The following TRMT2B variants were observed in gnomAD, a reference collection of about 807,000 sequenced individuals.
TRMT2B encodes the protein tRNA (uracil-5-)-methyltransferase homolog B.
In TRMT2B, 34 loss-of-function variants were observed where a neutral mutation model predicts 39.7. The observed-to-expected ratio is 0.86, with a 90% CI of 0.65 to 1.14. The LOEUF (loss-of-function observed/expected upper bound fraction) is 1.14. Among genes scored for constraint, TRMT2B ranks in the 50% most tolerant of loss-of-function variants. TRMT2B has a pLI of 0.00. For synonymous variants in TRMT2B, 132 were observed against 137.3 expected (o/e 0.96, Z 0.27); for missense variants, 318 against 377.2 (o/e 0.84, Z 1.30).
At chrX:101,029,210 G>A (rs1038377346) in intron 7 of TRMT2B, among the ~76,000 whole-genome samples, 8 of 110,934 alleles carry the variant, frequency 7.2e-5, no homozygotes, top group African/African-American at 2.6e-4. Context: ...TGCCTAAAAT[G>A]TTTTTCCCTC....
chrX:100,975,711 C>T, the TRMT2B span, among the ~76,000 whole-genome samples: 5 of 108,269 alleles, frequency 4.6e-5, no homozygotes, highest in Admixed American at 9.9e-5. Flanking sequence ...CAGCTCACTG[C>T]AACCTCCACC....
At chrX:100,996,559 C>T in the TRMT2B span, among the ~76,000 whole-genome samples, 1 of 111,640 alleles carries the variant, frequency 9.0e-6, no homozygotes, top group Non-Finnish European at 1.9e-5. Context: ...CAAAAATGGC[C>T]TGGATCGTTC....
chrX:101,011,067 A>G (rs922417788), intron 13 of TRMT2B, among the ~76,000 whole-genome samples: 5 of 112,225 alleles, frequency 4.5e-5, no homozygotes, highest in African/African-American at 1.6e-4. Flanking sequence ...GTACCAATTT[A>G]TATCCCAACC....
rs2087682648 is a variant in TRMT2B, at chrX:101,034,144, C to CG, written c.609+1468_609+1469insC. 1.3e-3 allele frequency among the ~76,000 whole-genome samples: 23 copies of CG among 18,166 alleles called. 1 individual carries two copies. The South Asian group carries it at 0.12, about 97-fold the overall frequency. The allele number at this position is 18,166 out of a possible 115,157, so 15.8% of individuals were successfully genotyped here. On this transcript the variant is annotated intron_variant, in intron 7 of 13. Coordinates refer to ENST00000372936, the MANE Select transcript of TRMT2B (RefSeq NM_024917.6). ...GGCGTGAGCCACCGTGCCTGGCCTA[C>CG]ATTTTTTTTTTTTTTGAGACATGGT... is the stretch of plus-strand genomic sequence containing the variant.
chrX:101,014,183 A>G (rs1214130341), intron 13 of TRMT2B, among the ~76,000 whole-genome samples: 1 of 112,572 alleles, frequency 8.9e-6, no homozygotes, highest in African/African-American at 3.2e-5. Context: ...ACGTGTGCAC[A>G]CACATGCACT....
the TRMT2B span, chrX:100,990,322 T>C: frequency 1.1e-6 from 1 of 903,000 alleles, no homozygotes; most frequent in East Asian, 5.2e-5. Context: ...TTTTTCTCTT[T>C]TTACTTTCAA....
the TRMT2B span, among the ~76,000 whole-genome samples, chrX:100,981,448 G>C: frequency 9.1e-6 from 1 of 110,272 alleles, no homozygotes; most frequent in Non-Finnish European, 1.9e-5. Flanking sequence ...GATGAGGAAA[G>C]GGTGGTGCTG....
At chrX:101,039,193 C>A (rs1007111689) in intron 4 of TRMT2B, among the ~76,000 whole-genome samples, 2 of 111,060 alleles carry the variant, frequency 1.8e-5, no homozygotes, top group Non-Finnish European at 3.8e-5. Context: ...CCTCAGCCCC[C>A]CGAGTAGCTG....
At chrX:101,037,714 A>T (rs1444819991) in intron 5 of TRMT2B, among the ~76,000 whole-genome samples, 1 of 111,321 alleles carries the variant, frequency 9.0e-6, no homozygotes, top group Non-Finnish European at 1.9e-5. Flanking sequence ...CAAATTACTA[A>T]ATCTCTCTGG....
At chrX:100,981,928 A>G in the TRMT2B span, among the ~76,000 whole-genome samples, 1 of 109,097 alleles carries the variant, frequency 9.2e-6, no homozygotes, top group African/African-American at 3.3e-5. Flanking sequence ...TGCAGGGGTG[A>G]CCATCACTGA....
intron 5 of TRMT2B, chrX:101,037,305 G>A (rs1602635648): frequency 2.6e-6 from 1 of 380,291 alleles, no homozygotes; most frequent in Non-Finnish European, 4.6e-6. Flanking sequence ...GAGCCAAAGA[G>A]TAAATAATTT....
intron 8 of TRMT2B, 76 bp from the exon 9 acceptor site, chrX:101,022,138 C>G: frequency 1.5e-6 from 1 of 663,591 alleles, no homozygotes. Context: ...CTATAGTAAT[C>G]AGCCCTGCAG....
the TRMT2B span, among the ~76,000 whole-genome samples, chrX:100,984,459 C>T: frequency 9.0e-6 from 1 of 111,594 alleles, no homozygotes; most frequent in Non-Finnish European, 1.9e-5. Context: ...TTTTCAACTC[C>T]ATTTCTATGG....
At chrX:101,031,900 G>A (rs1031064985) in intron 7 of TRMT2B, among the ~76,000 whole-genome samples, 1 of 110,862 alleles carries the variant, frequency 9.0e-6, no homozygotes, top group East Asian at 2.8e-4. Context: ...AGAACAAAAA[G>A]GCAAAGAGAT....
chrX:100,998,554 CAAA>C, the TRMT2B span, among the ~76,000 whole-genome samples: 16,366 of 55,575 alleles, frequency 0.29, 1,528 homozygotes, highest in African/African-American at 0.45. Context: ...GATTCTGTCG[CAAA>C]AAAAAAAAAA....
the TRMT2B span, among the ~76,000 whole-genome samples, chrX:100,991,260 AGATTTTG>A: frequency 5.0e-4 from 56 of 112,091 alleles, no homozygotes; most frequent in Non-Finnish European, 9.8e-4. Flanking sequence ...TAATTTTAGA[AGATTTTG>A]GATTTTGGAT....
In TRMT2B at chrX:101,023,405, A is replaced by G; in HGVS notation, c.756+65T>C. The G allele has an allele frequency of 2.6e-6, 3 of 1,136,192 alleles. No individual in the cohort carries two copies. In the Admixed American group the frequency reaches 6.9e-5, roughly 26 times the overall value. The allele number at this position is 1,136,192 out of a possible 1,213,427, so 93.6% of individuals were successfully genotyped here. A position where few individuals can be genotyped will look rare whatever the true frequency, so the allele number is the denominator to read the frequency against. On this transcript the variant is annotated intron_variant, in intron 8 of 13. Transcript: ENST00000372936. ...GCTATATGCCCTGAAACTTCCAAAA[A>G]ACCAATTACAGTTATAGTTAGTAGT...
intron 13 of TRMT2B, among the ~76,000 whole-genome samples, chrX:101,012,250 T>C (rs1404031133): frequency 9.0e-6 from 1 of 110,522 alleles, no homozygotes; most frequent in Non-Finnish European, 1.9e-5. Context: ...AAGTAACCCA[T>C]GTGCTGAAAT....
chrX:101,027,375 G>A (rs2087163691), intron 7 of TRMT2B, among the ~76,000 whole-genome samples: 1 of 108,471 alleles, frequency 9.2e-6, no homozygotes, highest in South Asian at 4.1e-4. Context: ...GGGACTACAG[G>A]CGCACGCCAA....
Sources: allele counts gnomAD v4.1 joint callset (sites outside exome capture counted in the v4.1 genomes callset), GRCh38; gene constraint gnomAD v4.1.1; transcripts MANE v1.5; gene names NCBI Gene and HGNC (gene_info 2026-07-23, HGNC 2026-07-21).